The following PCMTD1 variants were observed in gnomAD, a reference collection of about 807,000 sequenced individuals.
PCMTD1 encodes the protein protein-L-isoaspartate O-methyltransferase domain-containing protein 1.
A neutral mutation model predicts 37.6 loss-of-function variants in PCMTD1; 12 were observed. That is an observed-to-expected ratio of 0.32 (90% confidence interval 0.20 to 0.52). PCMTD1 has a LOEUF of 0.52. Ranked by LOEUF, PCMTD1 falls within the 20% of genes least tolerant of loss-of-function variation. The pLI, the probability that PCMTD1 is intolerant of heterozygous loss-of-function variation, is 0.97. For synonymous variants in PCMTD1, 117 were observed against 135.8 expected (o/e 0.86, Z 0.96); for missense variants, 235 against 421.3 (o/e 0.56, Z 3.87).
intron 3 of PCMTD1, among the ~76,000 whole-genome samples, chr8:51,837,806 G>A (rs959988294): frequency 3.9e-5 from 6 of 152,110 alleles, no homozygotes; most frequent in Admixed American, 3.9e-4. Flanking sequence ...TTGAGAAGGG[G>A]TCTTGCTTTG....
At chr8:51,842,722 G>A (rs886514760) in intron 3 of PCMTD1, among the ~76,000 whole-genome samples, 2 of 151,842 alleles carry the variant, frequency 1.3e-5, no homozygotes, top group Non-Finnish European at 2.9e-5. Flanking sequence ...AGTTTACTAT[G>A]ATCTTAAATA....
At chr8:51,860,727 C>A (rs1257488436) in intron 2 of PCMTD1, 118 bp downstream of exon 2, 4 of 852,744 alleles carry the variant, frequency 4.7e-6, no homozygotes, top group Admixed American at 2.9e-5. Flanking sequence ...AGGAAGATAC[C>A]TACACTGTGT....
chr8:51,828,389 G>A (rs1394856424), intron 5 of PCMTD1, among the ~76,000 whole-genome samples: 1 of 152,148 alleles, frequency 6.6e-6, no homozygotes. Context: ...CTACAGTATA[G>A]TCTACTATAA....
intron 1 of PCMTD1, among the ~76,000 whole-genome samples, 166 bp from the exon 2 acceptor site, chr8:51,861,412 T>C (rs1370486648): frequency 6.6e-6 from 1 of 152,230 alleles, no homozygotes; most frequent in East Asian, 1.9e-4. Flanking sequence ...ATTTAATTCA[T>C]ATAGTAACCA....
At chr8:51,825,144 C>A (rs1585782896) in intron 5 of PCMTD1, among the ~76,000 whole-genome samples, 2 of 152,162 alleles carry the variant, frequency 1.3e-5, no homozygotes, top group East Asian at 3.8e-4. Context: ...GCAAAGACTT[C>A]ATGTCTGAAA....
At chr8:51,862,881 A>G (rs1044331157) in intron 1 of PCMTD1, among the ~76,000 whole-genome samples, 8 of 152,222 alleles carry the variant, frequency 5.3e-5, no homozygotes, top group African/African-American at 9.6e-5. Context: ...TCAAAAATAT[A>G]TAAGTACAAG....
At chr8:51,880,528 C>T (rs10958302) in intron 1 of PCMTD1, among the ~76,000 whole-genome samples, 104,509 of 152,086 alleles carry the variant, frequency 0.69, 42,385 homozygotes, top group Non-Finnish European at 0.9. Context: ...CTGTAGTCTT[C>T]TCTACTCCCC....
chr8:51,829,759 G>A (rs766214465), intron 5 of PCMTD1, among the ~76,000 whole-genome samples: 3 of 152,014 alleles, frequency 2.0e-5, no homozygotes, highest in Non-Finnish European at 4.4e-5. Flanking sequence ...GACAGAATGA[G>A]ACTCCATCGT....
intron 3 of PCMTD1, among the ~76,000 whole-genome samples, chr8:51,834,657 A>G (rs1270211742): frequency 6.6e-6 from 1 of 152,240 alleles, no homozygotes; most frequent in Non-Finnish European, 1.5e-5. Context: ...GCAGTTAAAA[A>G]TAACACTGAT....
Position 51,833,672 on chromosome 8 carries a change from G to T in PCMTD1, c.428C>A (p.Pro143His). Residue 143 changes from proline to histidine, a missense_variant, in exon 4 of 6, where the codon CCT (proline) becomes CAT (histidine). Transcript: ENST00000522514. ...GAGGCAATTACCAACAACAAATGCA[G>T]GTTCACAGAACTCAAATCTGCATTG... ...DSFDKFEFCE[P>H]AFVVGNCLQI... The T allele has an allele frequency of 6.2e-7, 1 of 1,607,488 alleles. No individual in the cohort carries two copies.
chr8:51,892,031 T>C (rs2038943654), intron 1 of PCMTD1, among the ~76,000 whole-genome samples: 2 of 152,180 alleles, frequency 1.3e-5, no homozygotes, highest in Admixed American at 1.3e-4. Context: ...TAAAAAACCA[T>C]TACCCCAGCA....
rs543515685 is a variant in PCMTD1 at position 51,877,419 on chromosome 8, G to A, written c.-95-16173C>T. 8.5e-5 allele frequency among the ~76,000 whole-genome samples: 13 copies of A among 152,320 alleles called. No individual in the cohort carries two copies. The East Asian group carries it at 2.5e-3, about 29-fold the overall frequency. On this transcript the variant is annotated intron_variant, in intron 1 of 5. Coordinates refer to ENST00000522514, the MANE Select transcript of PCMTD1 (RefSeq NM_052937.4). ...TAAAAACGCTTTTAAATAAAGAAGA[G>A]GAACGGCTATGACAATGTTTGCTTG...
intron 1 of PCMTD1, among the ~76,000 whole-genome samples, chr8:51,876,923 G>T (rs2038720555): frequency 3.9e-5 from 6 of 152,112 alleles, no homozygotes; most frequent in Admixed American, 3.9e-4. Flanking sequence ...GTGAAAATTT[G>T]GTGAGGAACA....
At chr8:51,857,863 G>A (rs1376915567) in intron 2 of PCMTD1, among the ~76,000 whole-genome samples, 2 of 152,040 alleles carry the variant, frequency 1.3e-5, no homozygotes, top group Non-Finnish European at 2.9e-5. Flanking sequence ...TTAACCACGC[G>A]TGTTGGTACT....
intron 1 of PCMTD1, among the ~76,000 whole-genome samples, chr8:51,895,118 A>T (rs928739835): frequency 6.6e-6 from 1 of 152,190 alleles, no homozygotes; most frequent in African/African-American, 2.4e-5. Flanking sequence ...AAAGAAGAGA[A>T]CAAACTCTAA....
intron 2 of PCMTD1, among the ~76,000 whole-genome samples, chr8:51,855,319 G>A (rs755012640): frequency 1.8e-4 from 27 of 150,790 alleles, no homozygotes; most frequent in Non-Finnish European, 2.5e-4. Flanking sequence ...CTTGAGGTCA[G>A]GAGTTCAAAA....
chr8:51,880,114 C>T (rs1198603132), intron 1 of PCMTD1, among the ~76,000 whole-genome samples: 3 of 151,838 alleles, frequency 2.0e-5, no homozygotes, highest in Non-Finnish European at 4.4e-5. Context: ...GCAGGGGGAT[C>T]CCTTGGGACC....
chr8:51,856,181 A>T (rs2038385659), intron 2 of PCMTD1, among the ~76,000 whole-genome samples: 1 of 152,200 alleles, frequency 6.6e-6, no homozygotes, highest in Admixed American at 6.5e-5. Flanking sequence ...AACAATCAAC[A>T]ACTCAATTAA....
At chr8:51,833,464 T>TA (rs1176034400) in intron 4 of PCMTD1, 54 bp downstream of exon 4, 22 of 1,456,370 alleles carry the variant, frequency 1.5e-5, no homozygotes, top group Non-Finnish European at 2.1e-5. Context: ...TTCTTAACCT[T>TA]AAACAAATTT....
Sources: allele counts gnomAD v4.1 joint callset (sites outside exome capture counted in the v4.1 genomes callset), GRCh38; gene constraint gnomAD v4.1.1; transcripts MANE v1.5; gene names NCBI Gene and HGNC (gene_info 2026-07-23, HGNC 2026-07-21).